Variants in SUPT16H observed in about 807,000 individuals in gnomAD.
The protein encoded by SUPT16H is FACT complex subunit SPT16.
In SUPT16H, 24 loss-of-function variants were observed where a neutral mutation model predicts 136.2. The ratio of observed to expected loss-of-function variants is 0.18; its 90% CI spans 0.13 to 0.25. The LOEUF is 0.25. SUPT16H is among the 10% of genes least tolerant of loss of function. SUPT16H has a pLI of 1.00. For missense variants in SUPT16H, 623 were observed against 1,270.2 expected (o/e 0.49, Z 7.74); for synonymous variants, 415 against 428.2 (o/e 0.97, Z 0.38).
At position 21,360,544 on chromosome 14, in the gene SUPT16H, G is replaced by A; in HGVS notation, c.2057-11C>T. Reference sequence around the variant, plus strand: ...ATGTGAAGCGGAAGCCTGGGGAAAAGAATGAAGAAATGTCAAGCAGTATAA... The same window carrying A: ...ATGTGAAGCGGAAGCCTGGGGAAAAAAATGAAGAAATGTCAAGCAGTATAA... On this transcript the variant is annotated splice_polypyrimidine_tract_variant and intron_variant, in intron 17 of 25. Coordinates refer to ENST00000216297, the MANE Select transcript of SUPT16H (RefSeq NM_007192.4). The A allele has an allele frequency of 6.2e-7, 1 of 1,600,958 alleles. No homozygotes were observed. Among genetic ancestry groups the A allele is most frequent in the Non-Finnish European group, 8.5e-7 (1 of 1,170,566 alleles).
chr14:21,371,765 G>T, intron 3 of SUPT16H, 109 bp downstream of exon 3: 1 of 1,319,090 alleles, frequency 7.6e-7, no homozygotes, highest in African/African-American at 1.5e-5. Flanking sequence ...TACAACCACA[G>T]CCACCTATAA....
intron 10 of SUPT16H, among the ~76,000 whole-genome samples, chr14:21,364,360 G>T (rs1008879446): frequency 6.6e-6 from 1 of 152,048 alleles, no homozygotes; most frequent in African/African-American, 2.4e-5. Flanking sequence ...AAGAACCAGT[G>T]GGGGAAGGGA....
intron 8 of SUPT16H, among the ~76,000 whole-genome samples, chr14:21,366,162 T>C (rs998209877): frequency 9.9e-5 from 15 of 152,160 alleles, no homozygotes; most frequent in Admixed American, 9.2e-4. Context: ...AGAGGAGATA[T>C]AGTATGTATT....
intron 4 of SUPT16H, 103 bp downstream of exon 4, chr14:21,370,233 A>C (rs912284466): frequency 2.9e-6 from 4 of 1,396,856 alleles, no homozygotes; most frequent in Admixed American, 4.5e-5. Context: ...GTAAACAAAC[A>C]TACAGTTTTC....
chr14:21,368,585 T>C, intron 6 of SUPT16H, 144 bp from the exon 7 acceptor site: 1 of 975,040 alleles, frequency 1.0e-6, no homozygotes, highest in Non-Finnish European at 1.4e-6. Context: ...CTTTTTTGTG[T>C]TTTGTTTTAA....
rs760824352 is a variant in SUPT16H, at chr14:21,352,852, G to GT, written c.2999-35dup. 1.4e-5 allele frequency: 23 copies of GT among 1,613,834 alleles called. No homozygotes were observed. In the Middle Eastern group the frequency reaches 2.6e-3, roughly 185 times the overall value. ...AAGAGGCATTATTAGTTAGCAATAGGTAAGCTTTAGGTACCTAATATTACT... is the reference window on the plus strand; with the variant it reads ...AAGAGGCATTATTAGTTAGCAATAGGTTAAGCTTTAGGTACCTAATATTACT... On this transcript the variant is annotated intron_variant, in intron 25 of 25. Transcript: ENST00000216297.
intron 18 of SUPT16H, 79 bp from the exon 19 acceptor site, chr14:21,359,688 T>C: frequency 6.5e-7 from 1 of 1,545,126 alleles, no homozygotes; most frequent in Non-Finnish European, 8.7e-7. Flanking sequence ...GATCCAAACT[T>C]GGGCCTCCAC....
chr14:21,383,552 C>A, intron 1 of SUPT16H: 1 of 674,914 alleles, frequency 1.5e-6, no homozygotes, highest in Non-Finnish European at 2.7e-6. Flanking sequence ...CAAGACGTGA[C>A]CACGGAGTAG....
At chr14:21,357,482 G>C (rs968889429) in intron 21 of SUPT16H, 116 bp from the exon 22 acceptor site, 7 of 1,043,626 alleles carry the variant, frequency 6.7e-6, no homozygotes, top group African/African-American at 3.4e-5. Flanking sequence ...CTGTTTTTTG[G>C]TTTTTTTTTT....
chr14:21,364,123 A>G (rs1271630567), intron 10 of SUPT16H, among the ~76,000 whole-genome samples: 1 of 152,242 alleles, frequency 6.6e-6, no homozygotes, highest in African/African-American at 2.4e-5. Flanking sequence ...AATGGAGGTA[A>G]TAAGAGTATC....
Position 21,352,856 on chromosome 14 carries a change from G to C in SUPT16H, c.2999-38C>G, listed in dbSNP as rs987165911. 4 of 1,613,306 alleles carry C rather than the reference G, an allele frequency of 2.5e-6. No individual in the cohort carries two copies. In the African/African-American group the frequency reaches 5.3e-5, roughly 22 times the overall value. ...GGCATTATTAGTTAGCAATAGGTAA[G>C]CTTTAGGTACCTAATATTACTGGAT... On this transcript the variant is annotated intron_variant, in intron 25 of 25. Transcript: ENST00000216297.
In SUPT16H at chr14:21,369,201, T is replaced by C. The variant is rs752063046; in HGVS notation, c.782+3A>G. ...CTATATTATGAAGTCTTCATATACT[T>C]ACCTCACCACACTGAACTTGAGATT... On this transcript the variant is annotated splice_donor_region_variant and intron_variant, in intron 6 of 25. Coordinates refer to ENST00000216297, the MANE Select transcript of SUPT16H (RefSeq NM_007192.4). 6.2e-7 allele frequency: 1 copy of C among 1,613,298 alleles called. No homozygotes were observed. The highest frequency in any genetic ancestry group is 8.5e-7 in the Non-Finnish European group (1 of 1,179,848).
chr14:21,352,575 T>C lies in SUPT16H; in HGVS notation c.*98A>G, dbSNP rs1886336380. ...ACCCATAAACACAAATGGCAAAACT[T>C]CAAATGAAAACGAAAGGAAAAATAC... On this transcript the variant is annotated 3_prime_UTR_variant, in exon 26 of 26. Coordinates refer to ENST00000216297, the MANE Select transcript of SUPT16H (RefSeq NM_007192.4). The C allele has an allele frequency of 2.5e-6, 4 of 1,579,216 alleles. No individual in the cohort carries two copies. In the Admixed American group the frequency reaches 7.2e-5, roughly 28 times the overall value.
At chr14:21,375,082 T>C (rs955353081) in intron 1 of SUPT16H, among the ~76,000 whole-genome samples, 1 of 151,870 alleles carries the variant, frequency 6.6e-6, no homozygotes, top group Non-Finnish European at 1.5e-5. Flanking sequence ...GGTGCAAACT[T>C]GGCTCACTGC....
intron 25 of SUPT16H, 148 bp downstream of exon 25, chr14:21,353,340 A>G: frequency 2.7e-6 from 2 of 742,144 alleles, no homozygotes; most frequent in East Asian, 2.7e-5. Flanking sequence ...CCTTCAGTCA[A>G]TGAAGTTGTA....
At chr14:21,382,135 G>C (rs548019545) in intron 1 of SUPT16H, among the ~76,000 whole-genome samples, 1 of 152,286 alleles carries the variant, frequency 6.6e-6, no homozygotes, top group South Asian at 2.1e-4. Flanking sequence ...AACTTCTACA[G>C]GTGGGTTCTG....
intron 3 of SUPT16H, 133 bp from the exon 4 acceptor site, chr14:21,370,621 A>G (rs1886765509): frequency 2.0e-6 from 2 of 997,394 alleles, no homozygotes; most frequent in South Asian, 3.3e-5. Context: ...CCTACTTTTT[A>G]CTTTTAAAGA....
intron 18 of SUPT16H, 114 bp downstream of exon 18, chr14:21,360,301 T>G: frequency 1.3e-6 from 1 of 770,798 alleles, no homozygotes; most frequent in East Asian, 2.8e-5. Flanking sequence ...GTGCTGGGAT[T>G]GTGGGCATGA....
chr14:21,359,156 G>GGC (rs1286303775), intron 19 of SUPT16H, among the ~76,000 whole-genome samples: 13 of 151,750 alleles, frequency 8.6e-5, no homozygotes, highest in African/African-American at 3.2e-4. Context: ...GGAGTGCAGT[G>GGC]GCGCTATCTC....
Sources: gnomAD v4.1 joint callset for allele counts (sites outside exome capture counted in the v4.1 genomes callset) on GRCh38, gnomAD v4.1.1 for gene constraint, MANE v1.5 for transcripts, NCBI Gene and HGNC (gene_info 2026-07-23, HGNC 2026-07-21) for gene names.